The following RNF43 variants were observed in gnomAD, a reference collection of about 807,000 sequenced individuals.
RNF43 encodes ring finger protein 43.
RNF43 carries 37 observed loss-of-function variants against 78.4 expected under a neutral mutation model. That is an observed-to-expected ratio of 0.47 (90% CI 0.36 to 0.62). The LOEUF (loss-of-function observed/expected upper bound fraction) is 0.62. RNF43 is among the 20% of genes least tolerant of loss of function. RNF43 has a pLI of 0.00. For synonymous variants in RNF43, 347 were observed against 395.0 expected (o/e 0.88, Z 1.44); for missense variants, 774 against 1,007.9 (o/e 0.77, Z 3.14).
intron 2 of RNF43, among the ~76,000 whole-genome samples, chr17:58,410,778 TGA>T (rs1485798433): frequency 6.6e-6 from 1 of 152,096 alleles, no homozygotes; most frequent in East Asian, 1.9e-4. Context: ...AAACACAAAA[TGA>T]GAGAAATAGA....
intron 2 of RNF43, among the ~76,000 whole-genome samples, chr17:58,413,464 T>C (rs150727527): frequency 3.8e-4 from 58 of 152,252 alleles, no homozygotes; most frequent in African/African-American, 1.4e-3. Context: ...AGGAGATGAC[T>C]AAAAATTGCC....
At chr17:58,352,669 T>G (rs1972583392), downstream of RNF43, 1 of 198,526 alleles carries the variant, frequency 5.0e-6, no homozygotes, top group Non-Finnish European at 1.0e-5. Flanking sequence ...CCACCCCTCC[T>G]TCCTAACTGC....
Position 58,369,538 on chromosome 17 carries a change from C to A in RNF43, c.375+1373G>T, listed in dbSNP as rs371145321. Among the ~76,000 whole-genome samples the A allele has an allele frequency of 4.6e-5, 7 of 152,364 alleles. No homozygotes were observed. In the South Asian group the frequency reaches 6.2e-4, roughly 14 times the overall value. ...CGGGAGTGTCACTCTCCTCTCTCAC[C>A]ACCCTTGGGGGCATACCCGTGTGTG... is the stretch of plus-strand genomic sequence containing the variant. On this transcript the variant is annotated intron_variant, in intron 3 of 9. Coordinates refer to ENST00000407977, the MANE Select transcript of RNF43 (RefSeq NM_017763.6).
At chr17:58,406,255 C>T (rs777640623) in intron 2 of RNF43, among the ~76,000 whole-genome samples, 33 of 152,140 alleles carry the variant, frequency 2.2e-4, no homozygotes, top group Non-Finnish European at 3.5e-4. Context: ...TCTCTGCTGA[C>T]ATGTGCTTTT....
chr17:58,400,158 C>T (rs148869396), intron 2 of RNF43, among the ~76,000 whole-genome samples: 188 of 152,242 alleles, frequency 1.2e-3, no homozygotes, highest in Middle Eastern at 3.4e-3. Flanking sequence ...ATAAGTGATT[C>T]ACCGTACCAC....
At chr17:58,390,213 C>G (rs985893357) in intron 2 of RNF43, among the ~76,000 whole-genome samples, 1 of 152,008 alleles carries the variant, frequency 6.6e-6, no homozygotes, top group Admixed American at 6.5e-5. Context: ...GAAAGCTGAG[C>G]AAAATGGAAT....
chr17:58,405,066 TTC>T (rs1973875938), intron 2 of RNF43, among the ~76,000 whole-genome samples: 3 of 144,666 alleles, frequency 2.1e-5, no homozygotes, highest in African/African-American at 5.2e-5. Flanking sequence ...GTTGTAGTAC[TTC>T]TTTTTTTTTT....
chr17:58,379,163 G>C (rs140026792), intron 2 of RNF43, among the ~76,000 whole-genome samples: 1 of 152,116 alleles, frequency 6.6e-6, no homozygotes, highest in Non-Finnish European at 1.5e-5. Context: ...CTTTTCTGTG[G>C]CATGGTAAGC....
chr17:58,360,159 G>A lies in RNF43; in HGVS notation c.942C>T (p.Phe314=), dbSNP rs1245987421. ...HQHRTCPLCM[F]NITEGDSFSQ... is the part of the protein sequence containing the mutation. Reference sequence around the variant, plus strand: ...TGGCCCACCTCCTACCTGTGATGTTGAACATGCAGAGGGGGCAAGTCCGAT... The same window carrying A: ...TGGCCCACCTCCTACCTGTGATGTTAAACATGCAGAGGGGGCAAGTCCGAT... Residue 314 remains phenylalanine, a synonymous_variant, in exon 8 of 10, where the codon TTC becomes TTT. Coordinates refer to ENST00000407977, the MANE Select transcript of RNF43 (RefSeq NM_017763.6). The surrounding 1 kb of genome is among the most constrained non-coding windows in gnomAD (Gnocchi z 4.3). 1.2e-6 allele frequency: 2 copies of A among 1,613,268 alleles called. No individual in the cohort carries two copies. Among genetic ancestry groups the A allele is most frequent in the East Asian group, 2.2e-5 (1 of 44,876 alleles).
At position 58,370,867 on chromosome 17, in the gene RNF43, C is replaced by T. The variant is rs1380059443; in HGVS notation, c.375+44G>A. 4.6e-6 allele frequency: 7 copies of T among 1,517,804 alleles called. No homozygotes were observed. In the Admixed American group the frequency reaches 5.8e-5, roughly 13 times the overall value. 94.0% of individuals were successfully genotyped at this position (1,517,804 alleles called of 1,614,324 possible). A position where few individuals can be genotyped will look rare whatever the true frequency, so the allele number is the denominator to read the frequency against. On this transcript the variant is annotated intron_variant, in intron 3 of 9. Coordinates refer to ENST00000407977, the MANE Select transcript of RNF43 (RefSeq NM_017763.6). ...CACAGGGTCTTCTCACAGCCCAGAG[C>T]TGGGTGAAGCTCCGGGTGTGTGTAG...
chr17:58,397,631 C>G (rs1401892610), intron 2 of RNF43, among the ~76,000 whole-genome samples: 1 of 151,418 alleles, frequency 6.6e-6, no homozygotes, highest in African/African-American at 2.4e-5. Context: ...CCATTGCATT[C>G]CAGCCTGGGT....
At chr17:58,370,028 G>T (rs1171434122) in intron 3 of RNF43, among the ~76,000 whole-genome samples, 3 of 148,660 alleles carry the variant, frequency 2.0e-5, no homozygotes, top group African/African-American at 2.5e-5. Flanking sequence ...AATGTGCTTT[G>T]CAGGTTTCTT....
chr17:58,375,998 C>CA (rs1973197457), intron 2 of RNF43, among the ~76,000 whole-genome samples: 1 of 152,160 alleles, frequency 6.6e-6, no homozygotes, highest in South Asian at 2.1e-4. Context: ...AGGGAGGGGT[C>CA]AAAGTCTCAG....
chr17:58,407,800 C>A (rs1224197190), intron 2 of RNF43, among the ~76,000 whole-genome samples: 5 of 152,136 alleles, frequency 3.3e-5, no homozygotes, highest in Non-Finnish European at 4.4e-5. Flanking sequence ...TTGTTTTATA[C>A]CCTCAGTTTT....
chr17:58,370,782 G>A (rs948844019), intron 3 of RNF43, 129 bp downstream of exon 3: 18 of 1,093,750 alleles, frequency 1.6e-5, no homozygotes, highest in Middle Eastern at 3.3e-4. Context: ...ACCAGTCATG[G>A]GTTAGGGAAA....
At chr17:58,368,617 G>C (rs1392527505) in intron 3 of RNF43, among the ~76,000 whole-genome samples, 5 of 150,692 alleles carry the variant, frequency 3.3e-5, no homozygotes, top group Non-Finnish European at 7.4e-5. Context: ...GGAGGCTGAG[G>C]CAGGAGAATC....
At chr17:58,413,953 G>A (rs1416717229) in intron 2 of RNF43, among the ~76,000 whole-genome samples, 1 of 152,132 alleles carries the variant, frequency 6.6e-6, no homozygotes, top group Non-Finnish European at 1.5e-5. Flanking sequence ...TATTAACTAG[G>A]CAAGGCCAGG....
At chr17:58,368,714 A>G (rs1192797264) in intron 3 of RNF43, among the ~76,000 whole-genome samples, 17 of 99,146 alleles carry the variant, frequency 1.7e-4, no homozygotes, top group Non-Finnish European at 3.7e-4. Context: ...CTCTGTCTCA[A>G]AAAAAAAAAA....
chr17:58,375,363 C>T lies in RNF43; in HGVS notation c.253-4330G>A, dbSNP rs529533546. ...TAACATTCCCATCCTATATCTCTTC[C>T]CACCTTGCGACCTATGTTCCAGAAA... On this transcript the variant is annotated intron_variant, in intron 2 of 9. Transcript: ENST00000407977. Among the ~76,000 whole-genome samples the T allele has an allele frequency of 3.3e-5, 5 of 152,292 alleles. No homozygotes were observed. The East Asian group carries it at 9.6e-4, about 29-fold the overall frequency.
Sources: gnomAD v4.1 joint callset for allele counts (sites outside exome capture counted in the v4.1 genomes callset) on GRCh38, gnomAD v4.1.1 for gene constraint, Gnocchi (gnomAD v3.1) non-coding constraint, MANE v1.5 for transcripts, NCBI Gene and HGNC (gene_info 2026-07-23, HGNC 2026-07-21) for gene names.